Variants in CAMKMT observed in about 807,000 individuals in gnomAD.
CAMKMT encodes the protein calmodulin-lysine N-methyltransferase.
In CAMKMT, 53 loss-of-function variants were observed where a neutral mutation model predicts 48.0. The ratio of observed to expected loss-of-function variants is 1.10; its 90% confidence interval spans 0.89 to 1.39. CAMKMT has a LOEUF of 1.39. CAMKMT is among the 40% of genes most tolerant of loss of function. The pLI, the probability that CAMKMT is intolerant of heterozygous loss-of-function variation, is 0.00. For synonymous variants in CAMKMT, 165 were observed against 152.3 expected, an observed-to-expected ratio of 1.08 and a Z score of -0.61; for missense variants, 428 against 402.7, an observed-to-expected ratio of 1.06 and a Z score of -0.54.
intron 9 of CAMKMT, among the ~76,000 whole-genome samples, chr2:44,755,229 T>C (rs1680322706): frequency 6.6e-6 from 1 of 152,144 alleles, no homozygotes; most frequent in Admixed American, 6.5e-5. Flanking sequence ...TCCAATTCAA[T>C]TGGCCTCCTC....
intron 1 of CAMKMT, among the ~76,000 whole-genome samples, chr2:44,365,855 A>T (rs921685623): frequency 6.6e-6 from 1 of 152,232 alleles, no homozygotes; most frequent in Non-Finnish European, 1.5e-5. Flanking sequence ...AGGTATGAAT[A>T]CTTGGCTGAA....
intron 3 of CAMKMT, among the ~76,000 whole-genome samples, chr2:44,649,949 A>G (rs1673965084): frequency 6.6e-6 from 1 of 152,216 alleles, no homozygotes. Flanking sequence ...AGGGAGGCTG[A>G]AAATTAATCT....
intron 3 of CAMKMT, among the ~76,000 whole-genome samples, chr2:44,688,393 A>C (rs571006838): frequency 6.6e-6 from 1 of 152,162 alleles, no homozygotes; most frequent in Admixed American, 6.5e-5. Context: ...CATATCAATG[A>C]ATAATGATGA....
At chr2:44,570,536 A>G (rs1000242219) in intron 3 of CAMKMT, among the ~76,000 whole-genome samples, 1 of 152,156 alleles carries the variant, frequency 6.6e-6, no homozygotes, top group Non-Finnish European at 1.5e-5. Flanking sequence ...TTACATGGGG[A>G]AGAATTCCTT....
intron 1 of CAMKMT, among the ~76,000 whole-genome samples, chr2:44,363,581 T>G (rs917478410): frequency 4.6e-5 from 7 of 151,592 alleles, no homozygotes; most frequent in African/African-American, 1.5e-4. Context: ...GGTTTCTCCA[T>G]GTTTGTCAAG....
At chr2:44,416,568 A>ATTTTTTTTTTT (rs34882377) in intron 3 of CAMKMT, among the ~76,000 whole-genome samples, 1 of 80,274 alleles carries the variant, frequency 1.2e-5, no homozygotes, top group Non-Finnish European at 2.4e-5. Context: ...ACTTAGCATG[A>ATTTTTTTTTTT]TTTTTTTTTT....
intron 3 of CAMKMT, among the ~76,000 whole-genome samples, chr2:44,638,497 T>C (rs975670427): frequency 2.0e-5 from 3 of 152,192 alleles, no homozygotes; most frequent in African/African-American, 4.8e-5. Context: ...ACGTGAAAAC[T>C]CTTCTAGTGA....
chr2:44,517,000 C>T (rs544592906), intron 3 of CAMKMT, among the ~76,000 whole-genome samples: 13 of 152,168 alleles, frequency 8.5e-5, no homozygotes, highest in African/African-American at 2.2e-4. Flanking sequence ...TCTCAGCCTC[C>T]CAAAGTGCTG....
chr2:44,639,972 T>G (rs987690878), intron 3 of CAMKMT, among the ~76,000 whole-genome samples: 2 of 152,226 alleles, frequency 1.3e-5, no homozygotes, highest in Non-Finnish European at 2.9e-5. Context: ...TTTATAGCAG[T>G]CTTGGGTTTT....
intron 8 of CAMKMT, 57 bp downstream of exon 8, chr2:44,743,753 A>C: frequency 7.1e-7 from 1 of 1,400,318 alleles, no homozygotes; most frequent in Non-Finnish European, 1.0e-6. Flanking sequence ...TGCTGGAGTA[A>C]TTGGGCTGTG....
intron 8 of CAMKMT, among the ~76,000 whole-genome samples, chr2:44,750,093 T>A (rs1680091094): frequency 6.6e-6 from 1 of 152,190 alleles, no homozygotes; most frequent in African/African-American, 2.4e-5. Flanking sequence ...AACAAACGTA[T>A]TTGAAATGCT....
chr2:44,688,311 A>G (rs930588482), intron 3 of CAMKMT, among the ~76,000 whole-genome samples: 7 of 152,156 alleles, frequency 4.6e-5, no homozygotes, highest in African/African-American at 7.2e-5. Flanking sequence ...ACATTTCCAC[A>G]TTAGTTGCAG....
At chr2:44,613,138 C>A (rs550648712) in intron 3 of CAMKMT, among the ~76,000 whole-genome samples, 1 of 152,182 alleles carries the variant, frequency 6.6e-6, no homozygotes, top group Admixed American at 6.5e-5. Flanking sequence ...ATTTTGGTAA[C>A]ATGGAAATGT....
chr2:44,593,468 C>T (rs1670441914), intron 3 of CAMKMT, among the ~76,000 whole-genome samples: 1 of 152,044 alleles, frequency 6.6e-6, no homozygotes, highest in South Asian at 2.1e-4. Context: ...TTGTTTTTTC[C>T]AGACTTTCAA....
At chr2:44,752,478 G>C (rs1473266937) in intron 8 of CAMKMT, among the ~76,000 whole-genome samples, 1 of 152,266 alleles carries the variant, frequency 6.6e-6, no homozygotes, top group East Asian at 2.0e-4. Context: ...TTGGCAGCCA[G>C]CTCTGTTCTG....
At chr2:44,490,527 G>A (rs992593040) in intron 3 of CAMKMT, among the ~76,000 whole-genome samples, 55 of 151,974 alleles carry the variant, frequency 3.6e-4, no homozygotes, top group African/African-American at 1.2e-3. Flanking sequence ...CACCTGCCTC[G>A]GCCTCCCAAA....
At chr2:44,668,820 T>C (rs1329186893) in intron 3 of CAMKMT, among the ~76,000 whole-genome samples, 1 of 152,048 alleles carries the variant, frequency 6.6e-6, no homozygotes, top group Non-Finnish European at 1.5e-5. Context: ...CTCACTCTGA[T>C]GCCCAGGCTG....
At chr2:44,490,022 A>C (rs1669410772) in intron 3 of CAMKMT, among the ~76,000 whole-genome samples, 1 of 152,088 alleles carries the variant, frequency 6.6e-6, no homozygotes. Flanking sequence ...ACACACACAC[A>C]CAAATATATG....
intron 3 of CAMKMT, among the ~76,000 whole-genome samples, chr2:44,401,466 T>A (rs1067326): frequency 0.75 from 113,357 of 151,860 alleles, 43,315 homozygotes; most frequent in African/African-American, 0.87. Context: ...CTGAGGCAGG[T>A]GAATCTATTG....
Sources: allele counts gnomAD v4.1 joint callset (sites outside exome capture counted in the v4.1 genomes callset), GRCh38; gene constraint gnomAD v4.1.1; transcripts MANE v1.5; gene names NCBI Gene and HGNC (gene_info 2026-07-23, HGNC 2026-07-21).